Variants in ANGPT1 observed in about 807,000 individuals in gnomAD.
ANGPT1 encodes the protein angiopoietin-1.
Under a neutral mutation model 62.2 loss-of-function variants are expected in ANGPT1, and 17 were observed. That is an observed-to-expected ratio of 0.27 (90% CI 0.19 to 0.41). ANGPT1 has a LOEUF of 0.41. Among genes scored for constraint, ANGPT1 ranks in the 10% least tolerant of loss-of-function variants. ANGPT1 has a pLI of 1.00. For synonymous variants in ANGPT1, 199 were observed against 198.9 expected, an observed-to-expected ratio of 1.00 and a Z score of 0.00; for missense variants, 478 against 594.9, an observed-to-expected ratio of 0.80 and a Z score of 2.04.
intron 1 of ANGPT1, among the ~76,000 whole-genome samples, chr8:107,483,617 T>A (rs1448669231): frequency 2.0e-5 from 3 of 152,142 alleles, no homozygotes; most frequent in Non-Finnish European, 4.4e-5. Context: ...GTCTTTTAAG[T>A]GATGACTCTT....
intron 1 of ANGPT1, among the ~76,000 whole-genome samples, chr8:107,445,082 C>CTTTGT (rs1811580887): frequency 6.6e-6 from 1 of 152,078 alleles, no homozygotes; most frequent in Non-Finnish European, 1.5e-5. Flanking sequence ...TCTCACTTTG[C>CTTTGT]ATTTTCTACA....
At chr8:107,404,613 A>G (rs534007296) in intron 1 of ANGPT1, among the ~76,000 whole-genome samples, 47 of 152,152 alleles carry the variant, frequency 3.1e-4, no homozygotes, top group Non-Finnish European at 4.7e-4. Context: ...GGACATTTAG[A>G]TTGTCCCCAG....
chr8:107,478,503 C>T (rs560685053), intron 1 of ANGPT1, among the ~76,000 whole-genome samples: 10 of 152,160 alleles, frequency 6.6e-5, no homozygotes, highest in South Asian at 2.1e-4. Flanking sequence ...AAACTGAGAT[C>T]GCACGGCTGC....
chr8:107,406,672 G>A (rs954842115), intron 1 of ANGPT1, among the ~76,000 whole-genome samples: 5 of 151,880 alleles, frequency 3.3e-5, no homozygotes, highest in East Asian at 1.9e-4. Context: ...TGTTGTGAGC[G>A]TCAGCAAATA....
chr8:107,267,441 T>G (rs1364209917), intron 7 of ANGPT1, among the ~76,000 whole-genome samples: 1 of 152,106 alleles, frequency 6.6e-6, no homozygotes, highest in Non-Finnish European at 1.5e-5. Context: ...TTTCCTGACC[T>G]TTCCCCGTAT....
At chr8:107,378,084 A>C (rs1429817642) in intron 1 of ANGPT1, among the ~76,000 whole-genome samples, 1 of 152,184 alleles carries the variant, frequency 6.6e-6, no homozygotes, top group Non-Finnish European at 1.5e-5. Flanking sequence ...TGCACTGTAA[A>C]ATATGACTTT....
chr8:107,469,114 T>C (rs1812279631), intron 1 of ANGPT1, among the ~76,000 whole-genome samples: 1 of 152,082 alleles, frequency 6.6e-6, no homozygotes, highest in Non-Finnish European at 1.5e-5. Flanking sequence ...ATATTTATAG[T>C]GTCTACCATG....
In ANGPT1 at chr8:107,488,453, C is replaced by A. The variant is rs549483728; in HGVS notation, c.297+8809G>T. 4.6e-5 allele frequency among the ~76,000 whole-genome samples: 7 copies of A among 152,258 alleles called. No individual in the cohort carries two copies. The East Asian group carries it at 1.2e-3, about 25-fold the overall frequency. On this transcript the variant is annotated intron_variant, in intron 1 of 8. Coordinates refer to ENST00000517746, the MANE Select transcript of ANGPT1 (RefSeq NM_001146.5). ...AGGCCTCACTCCACTTCTTCTGTAA[C>A]CTCTCCATTTGTTTCTAGATATTAA...
intron 7 of ANGPT1, among the ~76,000 whole-genome samples, chr8:107,281,998 C>T (rs989339548): frequency 2.0e-5 from 3 of 151,402 alleles, no homozygotes; most frequent in South Asian, 4.2e-4. Flanking sequence ...CTGCAGGCCA[C>T]GGGAGGCATT....
chr8:107,266,550 C>T (rs534876605), intron 7 of ANGPT1, among the ~76,000 whole-genome samples: 27 of 152,264 alleles, frequency 1.8e-4, no homozygotes, highest in African/African-American at 5.1e-4. Flanking sequence ...TCTCTCCTAG[C>T]GTGAAATCTG....
intron 4 of ANGPT1, among the ~76,000 whole-genome samples, chr8:107,304,295 C>G (rs1220554243): frequency 1.3e-5 from 2 of 151,414 alleles, no homozygotes; most frequent in Non-Finnish European, 3.0e-5. Context: ...TAGTTCTTAG[C>G]TAAAGATATA....
chr8:107,476,352 G>A (rs542897806), intron 1 of ANGPT1, among the ~76,000 whole-genome samples: 12 of 152,122 alleles, frequency 7.9e-5, no homozygotes, highest in East Asian at 5.8e-4. Context: ...ACCAAACACC[G>A]CATATTCTCA....
intron 5 of ANGPT1, among the ~76,000 whole-genome samples, chr8:107,295,810 T>C (rs1159986334): frequency 2.0e-5 from 3 of 152,070 alleles, no homozygotes; most frequent in Non-Finnish European, 4.4e-5. Flanking sequence ...GATAAGAGCA[T>C]AAGGAAGAAA....
intron 1 of ANGPT1, among the ~76,000 whole-genome samples, chr8:107,437,095 G>A (rs1199569741): frequency 1.3e-5 from 2 of 152,100 alleles, no homozygotes; most frequent in Admixed American, 6.5e-5. Flanking sequence ...AGTGAGGTGA[G>A]GTTACATTTC....
rs1383727225 is a variant in ANGPT1, at chr8:107,303,230, C to A, written c.936+10G>T. The A allele has an allele frequency of 6.2e-7, 1 of 1,608,670 alleles. No individual in the cohort carries two copies. The highest frequency in any genetic ancestry group is 8.5e-7 in the Non-Finnish European group (1 of 1,176,904). Reference sequence around the variant, plus strand: ...GCTTACATCTTGTAAACAAACACTTCTGGTTTTACCTTTTTGGGTTCTGGC... The same window carrying A: ...GCTTACATCTTGTAAACAAACACTTATGGTTTTACCTTTTTGGGTTCTGGC... On this transcript the variant is annotated intron_variant, in intron 5 of 8. Coordinates refer to ENST00000517746, the MANE Select transcript of ANGPT1 (RefSeq NM_001146.5).
At chr8:107,363,590 C>A (rs1356943371) in intron 1 of ANGPT1, among the ~76,000 whole-genome samples, 1 of 151,998 alleles carries the variant, frequency 6.6e-6, no homozygotes, top group East Asian at 1.9e-4. Flanking sequence ...GCTTCTGCAT[C>A]TAGAAAAAGC....
intron 4 of ANGPT1, among the ~76,000 whole-genome samples, chr8:107,309,318 C>G (rs1254330668): frequency 6.6e-6 from 1 of 152,058 alleles, no homozygotes; most frequent in Admixed American, 6.6e-5. Context: ...AGAAATTGAC[C>G]CTGAACCTGT....
At chr8:107,476,642 T>A (rs112897953) in intron 1 of ANGPT1, among the ~76,000 whole-genome samples, 1 of 152,122 alleles carries the variant, frequency 6.6e-6, no homozygotes, top group African/African-American at 2.4e-5. Flanking sequence ...CGTTTCCTCC[T>A]CACATTTAGA....
At chr8:107,434,497 T>C (rs1196544204) in intron 1 of ANGPT1, among the ~76,000 whole-genome samples, 4 of 151,920 alleles carry the variant, frequency 2.6e-5, no homozygotes, top group Admixed American at 6.6e-5. Context: ...ATTCAGAAAG[T>C]CCAGGGGAAT....
Sources: gnomAD v4.1 joint callset for allele counts (sites outside exome capture counted in the v4.1 genomes callset) on GRCh38, gnomAD v4.1.1 for gene constraint, MANE v1.5 for transcripts, NCBI Gene and HGNC (gene_info 2026-07-23, HGNC 2026-07-21) for gene names.